Variants in MTUS2 observed in about 807,000 individuals in gnomAD.
MTUS2 encodes the protein microtubule-associated tumor suppressor candidate 2.
In MTUS2, 40 loss-of-function variants were observed where a neutral mutation model predicts 114.1. The observed-to-expected ratio is 0.35, with a 90% CI of 0.27 to 0.46. The LOEUF is 0.46. Among genes scored for constraint, MTUS2 ranks in the 20% least tolerant of loss-of-function variants. The probability of loss-of-function intolerance (pLI) is 1.00; values close to 1 mark genes in which losing one functional copy is unlikely to be tolerated. For synonymous variants in MTUS2, 688 were observed against 672.0 expected (o/e 1.02, Z -0.37); for missense variants, 1,679 against 1,705.4 (o/e 0.98, Z 0.27).
At chr13:29,288,788 C>G (rs1898591504) in intron 6 of MTUS2, among the ~76,000 whole-genome samples, 1 of 152,186 alleles carries the variant, frequency 6.6e-6, no homozygotes, top group Non-Finnish European at 1.5e-5. Flanking sequence ...CCTACTGATT[C>G]ACTAGTGAGA....
At chr13:28,882,673 G>A (rs529084875) in intron 2 of MTUS2, among the ~76,000 whole-genome samples, 1 of 152,288 alleles carries the variant, frequency 6.6e-6, no homozygotes, top group South Asian at 2.1e-4. Context: ...GGAGTTTGAG[G>A]CTGCAGTGAG....
At chr13:28,914,226 G>T (rs1880620489) in intron 2 of MTUS2, among the ~76,000 whole-genome samples, 1 of 152,048 alleles carries the variant, frequency 6.6e-6, no homozygotes, top group Non-Finnish European at 1.5e-5. Flanking sequence ...TTCGATATGG[G>T]CATTCAGTGC....
At chr13:29,244,112 G>T (rs923274215) in intron 5 of MTUS2, among the ~76,000 whole-genome samples, 3 of 152,186 alleles carry the variant, frequency 2.0e-5, no homozygotes, top group Non-Finnish European at 4.4e-5. Flanking sequence ...GGTGAAGGGA[G>T]TTGGAGCTCC....
At chr13:28,868,377 G>C (rs1460908992) in intron 2 of MTUS2, among the ~76,000 whole-genome samples, 1 of 152,046 alleles carries the variant, frequency 6.6e-6, no homozygotes, top group Non-Finnish European at 1.5e-5. Flanking sequence ...TTTTTTCTTC[G>C]TTAGTAAGCT....
At chr13:29,359,228 A>G in intron 7 of MTUS2, 34 bp from the exon 8 acceptor site, 1 of 1,549,560 alleles carries the variant, frequency 6.5e-7, no homozygotes, top group Non-Finnish European at 8.7e-7. Flanking sequence ...GTGTTTTTTC[A>G]CAGGTGACCG....
chr13:29,433,983 T>TA (rs1367740344), intron 8 of MTUS2, among the ~76,000 whole-genome samples: 1 of 152,124 alleles, frequency 6.6e-6, no homozygotes, highest in Non-Finnish European at 1.5e-5. Flanking sequence ...TGGTTTAGCT[T>TA]GGGAAAAAAT....
intron 4 of MTUS2, among the ~76,000 whole-genome samples, chr13:29,041,344 C>T (rs1411425608): frequency 6.6e-6 from 1 of 152,164 alleles, no homozygotes; most frequent in Non-Finnish European, 1.5e-5. Context: ...GTTTTGGTAA[C>T]TTTAGCCTTA....
chr13:29,279,163 C>T (rs943928182), intron 5 of MTUS2, among the ~76,000 whole-genome samples: 3 of 152,142 alleles, frequency 2.0e-5, no homozygotes, highest in African/African-American at 4.8e-5. Flanking sequence ...ATCACTATCC[C>T]CGCTTATGAA....
chr13:29,121,189 G>C (rs1891291573), intron 5 of MTUS2, among the ~76,000 whole-genome samples: 1 of 152,160 alleles, frequency 6.6e-6, no homozygotes, highest in Non-Finnish European at 1.5e-5. Context: ...CTTAGGATGA[G>C]CTCAACAGAT....
chr13:29,126,473 T>G (rs1339181809), intron 5 of MTUS2, among the ~76,000 whole-genome samples: 1 of 152,214 alleles, frequency 6.6e-6, no homozygotes, highest in East Asian at 1.9e-4. Context: ...TCTGCTTTCC[T>G]GTTTCTATCC....
At chr13:29,023,764 T>A (rs1593391887) in intron 2 of MTUS2, among the ~76,000 whole-genome samples, 1 of 152,338 alleles carries the variant, frequency 6.6e-6, no homozygotes, top group East Asian at 1.9e-4. Context: ...AATACATACC[T>A]CAATTTAAAT....
At chr13:28,965,209 T>A (rs1883523928) in intron 2 of MTUS2, among the ~76,000 whole-genome samples, 1 of 152,220 alleles carries the variant, frequency 6.6e-6, no homozygotes, top group Admixed American at 6.5e-5. Context: ...CTCATCGTAT[T>A]TAGAGCCTCC....
At chr13:28,937,345 TG>T (rs1343691636) in intron 2 of MTUS2, among the ~76,000 whole-genome samples, 2 of 151,522 alleles carry the variant, frequency 1.3e-5, no homozygotes, top group African/African-American at 4.8e-5. Context: ...GACCAATCAG[TG>T]CTCTGTAAAA....
At chr13:28,956,520 G>C (rs1020212876) in intron 2 of MTUS2, among the ~76,000 whole-genome samples, 7 of 152,158 alleles carry the variant, frequency 4.6e-5, no homozygotes, top group Admixed American at 3.3e-4. Context: ...AAAAAGGATA[G>C]AATCCTGTAG....
chr13:28,967,527 G>A (rs1463558831), intron 2 of MTUS2, among the ~76,000 whole-genome samples: 2 of 152,320 alleles, frequency 1.3e-5, no homozygotes, highest in East Asian at 3.9e-4. Flanking sequence ...TAAAGCATCT[G>A]TGCTGTTATT....
intron 6 of MTUS2, among the ~76,000 whole-genome samples, chr13:29,286,221 C>T (rs1048082523): frequency 7.2e-5 from 11 of 152,182 alleles, no homozygotes; most frequent in Admixed American, 3.9e-4. Flanking sequence ...CCACCGCACC[C>T]GAATTATTGT....
chr13:29,394,053 A>G (rs1037754479), intron 8 of MTUS2, among the ~76,000 whole-genome samples: 1 of 152,156 alleles, frequency 6.6e-6, no homozygotes, highest in Non-Finnish European at 1.5e-5. Context: ...TGGGAGCCCC[A>G]AGATTTATTT....
intron 5 of MTUS2, among the ~76,000 whole-genome samples, chr13:29,233,307 G>A (rs1197721296): frequency 6.6e-6 from 1 of 152,032 alleles, no homozygotes; most frequent in Non-Finnish European, 1.5e-5. Context: ...ACCAAAAAGT[G>A]GACTTGGCTT....
At chr13:29,370,618 A>G (rs1440515088) in intron 8 of MTUS2, among the ~76,000 whole-genome samples, 1 of 152,122 alleles carries the variant, frequency 6.6e-6, no homozygotes, top group African/African-American at 2.4e-5. Context: ...CCCTTCTGCC[A>G]TGGAATAAGC....
Sources: allele counts gnomAD v4.1 joint callset (sites outside exome capture counted in the v4.1 genomes callset), GRCh38; gene constraint gnomAD v4.1.1; transcripts MANE v1.5; gene names NCBI Gene and HGNC (gene_info 2026-07-23, HGNC 2026-07-21).